Variants in MAN2A1 observed in about 807,000 individuals in gnomAD.
The protein encoded by MAN2A1 is alpha-mannosidase 2.
MAN2A1 carries 76 observed loss-of-function variants against 142.6 expected under a neutral mutation model. That is an observed-to-expected ratio of 0.53 (90% CI 0.44 to 0.65). The LOEUF is 0.65. Ranked by LOEUF, MAN2A1 falls within the 30% of genes least tolerant of loss-of-function variation. The pLI is 0.00. For synonymous variants in MAN2A1, 559 were observed against 473.2 expected, an observed-to-expected ratio of 1.18 and a Z score of -2.35; for missense variants, 1,311 against 1,365.1, an observed-to-expected ratio of 0.96 and a Z score of 0.62.
chr5:109,781,832 A>G (rs1753466703), intron 9 of MAN2A1, among the ~76,000 whole-genome samples: 4 of 152,186 alleles, frequency 2.6e-5, no homozygotes, highest in Admixed American at 2.0e-4. Flanking sequence ...TATTTAAATT[A>G]GATTTTTAAG....
At chr5:109,826,560 G>A (rs1580293014) in intron 16 of MAN2A1, among the ~76,000 whole-genome samples, 1 of 152,316 alleles carries the variant, frequency 6.6e-6, no homozygotes, top group East Asian at 1.9e-4. Context: ...TCTGGGAAAA[G>A]ATAAGCCCGG....
At chr5:109,803,381 G>T (rs981510801) in intron 12 of MAN2A1, among the ~76,000 whole-genome samples, 1 of 151,872 alleles carries the variant, frequency 6.6e-6, no homozygotes, top group Non-Finnish European at 1.5e-5. Context: ...TTAACTAATT[G>T]CATGGTTCTA....
chr5:109,732,304 T>A (rs1366550531), intron 4 of MAN2A1, among the ~76,000 whole-genome samples: 1 of 151,754 alleles, frequency 6.6e-6, no homozygotes, highest in Non-Finnish European at 1.5e-5. Flanking sequence ...TTCTCCCATT[T>A]TGTAGGTTGC....
At chr5:109,739,802 C>G (rs1214378076) in intron 4 of MAN2A1, among the ~76,000 whole-genome samples, 1 of 152,186 alleles carries the variant, frequency 6.6e-6, no homozygotes, top group East Asian at 1.9e-4. Flanking sequence ...GAAGTGGTCT[C>G]TCACCCAAGG....
chr5:109,848,575 C>T (rs4141494), intron 19 of MAN2A1, among the ~76,000 whole-genome samples: 105,176 of 151,942 alleles, frequency 0.69, 37,436 homozygotes, highest in East Asian at 0.9. Flanking sequence ...CTTCCCATCT[C>T]TCCTCCTGTT....
chr5:109,761,640 A>G (rs1385491886), intron 5 of MAN2A1, among the ~76,000 whole-genome samples: 1 of 151,978 alleles, frequency 6.6e-6, no homozygotes, highest in Non-Finnish European at 1.5e-5. Flanking sequence ...TTCTTTTTTA[A>G]TGTACTACAT....
At chr5:109,787,734 A>G (rs1753630484) in intron 10 of MAN2A1, among the ~76,000 whole-genome samples, 1 of 151,922 alleles carries the variant, frequency 6.6e-6, no homozygotes, top group Non-Finnish European at 1.5e-5. Context: ...GCTGCCTAAT[A>G]AAGATAGCCC....
At chr5:109,736,157 C>T (rs570840187) in intron 4 of MAN2A1, among the ~76,000 whole-genome samples, 2 of 152,018 alleles carry the variant, frequency 1.3e-5, no homozygotes, top group South Asian at 2.1e-4. Context: ...ATTAATATAC[C>T]AGGATATGCA....
intron 1 of MAN2A1, among the ~76,000 whole-genome samples, chr5:109,701,150 A>T (rs150176989): frequency 2.8e-4 from 42 of 152,330 alleles, no homozygotes; most frequent in African/African-American, 9.1e-4. Context: ...AGAGTCAATG[A>T]TATTATTTTA....
chr5:109,729,768 G>A (rs1034614169), intron 4 of MAN2A1, among the ~76,000 whole-genome samples: 1 of 152,116 alleles, frequency 6.6e-6, no homozygotes, highest in Non-Finnish European at 1.5e-5. Context: ...CGAGGTGGGC[G>A]GATCACCTGA....
chr5:109,690,472 A>T lies in MAN2A1; in HGVS notation c.55A>T (p.Ile19Phe). The T allele has an allele frequency of 6.2e-7, 1 of 1,613,816 alleles. No homozygotes were observed. Among genetic ancestry groups the T allele is most frequent in the Non-Finnish European group, 8.5e-7 (1 of 1,179,884 alleles). The change falls in exon 1 of 22, where the codon ATT becomes TTT. Residue 19 changes from isoleucine to phenylalanine, a missense_variant. By Grantham distance (21) the Ile-to-Phe change is conservative. Transcript: ENST00000261483. Reference sequence around the variant, plus strand: ...CGGCAGTGCGATCTTCTGTGTGGTGATTTTCTCGCTCTACCTGATGCTGGA... The same window carrying T: ...CGGCAGTGCGATCTTCTGTGTGGTGTTTTTCTCGCTCTACCTGATGCTGGA... ...VFGSAIFCVV[I>F]FSLYLMLDRG...
intron 1 of MAN2A1, among the ~76,000 whole-genome samples, chr5:109,705,175 G>A (rs1751095419): frequency 6.6e-6 from 1 of 151,022 alleles, no homozygotes; most frequent in Non-Finnish European, 1.5e-5. Flanking sequence ...CATCTTTCTT[G>A]TCATTCTTTC....
chr5:109,716,309 T>G (rs771495927), intron 3 of MAN2A1, 45 bp downstream of exon 3: 55 of 1,545,240 alleles, frequency 3.6e-5, no homozygotes, highest in Non-Finnish European at 4.6e-5. Flanking sequence ...TAAGTTTCTT[T>G]AGGCCTAGAG....
intron 4 of MAN2A1, among the ~76,000 whole-genome samples, chr5:109,734,205 G>T (rs1268777903): frequency 6.6e-6 from 1 of 150,952 alleles, no homozygotes; most frequent in African/African-American, 2.4e-5. Flanking sequence ...GATCGGTGGT[G>T]ATATCCCCTT....
At chr5:109,796,287 A>G (rs1753859424) in intron 12 of MAN2A1, among the ~76,000 whole-genome samples, 1 of 152,198 alleles carries the variant, frequency 6.6e-6, no homozygotes, top group Non-Finnish European at 1.5e-5. Flanking sequence ...GAAGATTATC[A>G]CATGTTTGGT....
intron 19 of MAN2A1, chr5:109,854,581 A>G (rs1179773373): frequency 6.6e-6 from 1 of 152,204 alleles, no homozygotes; most frequent in Non-Finnish European, 1.5e-5. Context: ...ATATTTAAAA[A>G]TTGGATTTAT....
intron 16 of MAN2A1, among the ~76,000 whole-genome samples, chr5:109,836,019 A>T (rs560151648): frequency 6.6e-6 from 1 of 152,072 alleles, no homozygotes; most frequent in Non-Finnish European, 1.5e-5. Context: ...TTACACCCTC[A>T]TGGATGTTTC....
At chr5:109,765,911 T>C (rs1182835093) in intron 5 of MAN2A1, among the ~76,000 whole-genome samples, 2 of 152,118 alleles carry the variant, frequency 1.3e-5, no homozygotes, top group African/African-American at 4.8e-5. Context: ...CAGGCTATCA[T>C]GTACTTTCCT....
At chr5:109,813,477 A>G (rs1011772096) in intron 12 of MAN2A1, among the ~76,000 whole-genome samples, 3 of 152,200 alleles carry the variant, frequency 2.0e-5, no homozygotes, top group Non-Finnish European at 4.4e-5. Context: ...CTCTTGTTGA[A>G]CCTCAGTTTC....
Sources: gnomAD v4.1 joint callset for allele counts (sites outside exome capture counted in the v4.1 genomes callset) on GRCh38, gnomAD v4.1.1 for gene constraint, MANE v1.5 for transcripts, NCBI Gene and HGNC (gene_info 2026-07-23, HGNC 2026-07-21) for gene names.